CA10: variants seen among roughly 807,000 people sequenced by gnomAD.
CA10 encodes the protein carbonic anhydrase 10 (inactive), also known as carbonic anhydrase-related protein 10.
In CA10, 14 loss-of-function variants were observed where a neutral mutation model predicts 44.2. The ratio of observed to expected loss-of-function variants is 0.32; its 90% CI spans 0.21 to 0.50. The LOEUF (loss-of-function observed/expected upper bound fraction) is 0.50. CA10 is among the 20% of genes least tolerant of loss of function. The pLI, the probability that CA10 is intolerant of heterozygous loss-of-function variation, is 0.99. For missense variants in CA10, 350 were observed against 409.7 expected, an observed-to-expected ratio of 0.85 and a Z score of 1.26; for synonymous variants, 159 against 141.6, an observed-to-expected ratio of 1.12 and a Z score of -0.87.
chr17:51,915,553 T>C (rs540017093), intron 3 of CA10, among the ~76,000 whole-genome samples: 104 of 152,346 alleles, frequency 6.8e-4, no homozygotes, highest in African/African-American at 2.4e-3. Context: ...TTTGACTATA[T>C]TAATAAAATT....
At chr17:51,697,775 A>T (rs562198627) in intron 4 of CA10, among the ~76,000 whole-genome samples, 3 of 152,256 alleles carry the variant, frequency 2.0e-5, no homozygotes, top group Non-Finnish European at 4.4e-5. Flanking sequence ...GAATGAAATC[A>T]CTCAGTACAG....
At chr17:51,845,447 C>T (rs1261264591) in intron 3 of CA10, among the ~76,000 whole-genome samples, 8 of 152,182 alleles carry the variant, frequency 5.3e-5, no homozygotes, top group African/African-American at 1.9e-4. Context: ...GTAGACCTTA[C>T]TTTTGTGGAA....
chr17:51,823,236 C>T (rs1446538605), intron 3 of CA10, among the ~76,000 whole-genome samples: 23 of 152,216 alleles, frequency 1.5e-4, no homozygotes, highest in Admixed American at 1.5e-3. Flanking sequence ...CAGGCGGTCA[C>T]ATCAGAACCT....
intron 1 of CA10, among the ~76,000 whole-genome samples, chr17:52,122,344 C>A (rs1989031158): frequency 6.6e-6 from 1 of 152,110 alleles, no homozygotes; most frequent in Non-Finnish European, 1.5e-5. Context: ...TCAGCAGTAC[C>A]ATAATGAGCC....
At chr17:51,771,520 T>A (rs1020250864) in intron 3 of CA10, among the ~76,000 whole-genome samples, 1 of 152,180 alleles carries the variant, frequency 6.6e-6, no homozygotes, top group East Asian at 1.9e-4. Flanking sequence ...GCCTACTCTC[T>A]GTAATGGCTA....
At chr17:52,117,788 A>C (rs1404515453) in intron 1 of CA10, among the ~76,000 whole-genome samples, 1 of 152,222 alleles carries the variant, frequency 6.6e-6, no homozygotes, top group Non-Finnish European at 1.5e-5. Flanking sequence ...TTTTAGTAAA[A>C]GATTATAAGA....
At chr17:52,123,371 G>GGGGTGTGTGTGTGT (rs1555568608) in intron 1 of CA10, among the ~76,000 whole-genome samples, 3 of 146,244 alleles carry the variant, frequency 2.1e-5, no homozygotes, top group African/African-American at 7.7e-5. Context: ...ATATATATGG[G>GGGGTGTGTGTGTGT]GTGTGTGTGT....
chr17:51,763,867 C>G (rs938605780), intron 3 of CA10, among the ~76,000 whole-genome samples: 2 of 152,048 alleles, frequency 1.3e-5, no homozygotes, highest in African/African-American at 4.8e-5. Context: ...CCCATTCTCT[C>G]TGTCTCTGCT....
intron 3 of CA10, among the ~76,000 whole-genome samples, chr17:51,886,922 G>A (rs965295347): frequency 6.6e-6 from 1 of 151,958 alleles, no homozygotes; most frequent in South Asian, 2.1e-4. Flanking sequence ...TGTGCACCCT[G>A]CTCCATTCTC....
chr17:51,924,009 T>C (rs1249842327), intron 3 of CA10, among the ~76,000 whole-genome samples: 1 of 152,206 alleles, frequency 6.6e-6, no homozygotes, highest in Non-Finnish European at 1.5e-5. Context: ...ATCTATAGTA[T>C]ATTTGTCTTA....
intron 1 of CA10, among the ~76,000 whole-genome samples, chr17:52,080,219 A>G (rs1040576263): frequency 2.0e-5 from 3 of 152,108 alleles, no homozygotes; most frequent in African/African-American, 7.2e-5. Flanking sequence ...TTGGGAGGCC[A>G]AGGTGGGCGC....
intron 2 of CA10, among the ~76,000 whole-genome samples, chr17:51,975,820 G>C (rs1010301780): frequency 1.3e-5 from 2 of 149,760 alleles, no homozygotes. Flanking sequence ...GCAGTGAGCT[G>C]AGGTCGCGCC....
At chr17:51,908,921 G>A (rs953713237) in intron 3 of CA10, among the ~76,000 whole-genome samples, 6 of 152,022 alleles carry the variant, frequency 3.9e-5, no homozygotes, top group South Asian at 2.1e-4. Context: ...ATCTGATATC[G>A]ACACAAAGAC....
At chr17:51,844,615 C>T (rs1978409354) in intron 3 of CA10, among the ~76,000 whole-genome samples, 1 of 152,184 alleles carries the variant, frequency 6.6e-6, no homozygotes, top group Non-Finnish European at 1.5e-5. Flanking sequence ...TATCTCTTTT[C>T]ACTGAGCCAT....
chr17:52,017,416 G>T (rs1986002550), intron 2 of CA10, among the ~76,000 whole-genome samples: 2 of 152,066 alleles, frequency 1.3e-5, no homozygotes, highest in Admixed American at 1.3e-4. Flanking sequence ...GAAGTTATTG[G>T]GATCTGGAAT....
intron 5 of CA10, among the ~76,000 whole-genome samples, chr17:51,651,082 G>A (rs1001129761): frequency 1.3e-5 from 2 of 152,168 alleles, no homozygotes. Flanking sequence ...AGTAACTCCA[G>A]CTTTTCTACG....
intron 2 of CA10, among the ~76,000 whole-genome samples, chr17:51,998,599 C>T (rs192704129): frequency 2.5e-4 from 38 of 152,106 alleles, no homozygotes; most frequent in Admixed American, 7.9e-4. Context: ...CTGTGGGCTC[C>T]CCTGGCCCAC....
At chr17:51,704,337 A>G (rs1457638447) in intron 4 of CA10, among the ~76,000 whole-genome samples, 2 of 152,226 alleles carry the variant, frequency 1.3e-5, no homozygotes, top group African/African-American at 4.8e-5. Context: ...AAAGCACACA[A>G]TTGAAACAAT....
rs2143856425 is a variant in CA10 at position 51,868,720 on chromosome 17, C to A, written c.279+62270G>T. On this transcript the variant is annotated intron_variant, in intron 3 of 8. Coordinates refer to ENST00000451037, the MANE Select transcript of CA10 (RefSeq NM_020178.5). The stretch of plus-strand genomic sequence containing the variant: ...TGACATCTCCTGCTTGGCCTTATGA[C>A]CTTCCTTTACAAATAACACTTATGA... Among the ~76,000 whole-genome samples the A allele has an allele frequency of 2.0e-5, 3 of 152,176 alleles. No individual in the cohort carries two copies. In the South Asian group the frequency reaches 6.2e-4, roughly 32 times the overall value.
Sources: allele counts gnomAD v4.1 joint callset (sites outside exome capture counted in the v4.1 genomes callset), GRCh38; gene constraint gnomAD v4.1.1; transcripts MANE v1.5; gene names NCBI Gene and HGNC (gene_info 2026-07-23, HGNC 2026-07-21).